The following HLCS variants were observed in gnomAD, a reference collection of about 807,000 sequenced individuals.
The protein encoded by HLCS is biotin--protein ligase.
A neutral mutation model predicts 75.0 loss-of-function variants in HLCS; 53 were observed. The ratio of observed to expected loss-of-function variants is 0.71; its 90% confidence interval spans 0.57 to 0.89. The LOEUF (loss-of-function observed/expected upper bound fraction) is 0.89, where lower values mean the gene tolerates loss of function less well. Ranked by LOEUF, HLCS falls within the 40% of genes least tolerant of loss-of-function variation. The pLI, the probability that HLCS is intolerant of heterozygous loss-of-function variation, is 0.00. For missense variants in HLCS, 966 were observed against 1,074.0 expected, an observed-to-expected ratio of 0.90 and a Z score of 1.41; for synonymous variants, 431 against 428.6, an observed-to-expected ratio of 1.01 and a Z score of -0.07.
intron 6 of HLCS, among the ~76,000 whole-genome samples, chr21:36,862,148 A>G (rs2063401509): frequency 6.6e-6 from 1 of 152,248 alleles, no homozygotes; most frequent in Non-Finnish European, 1.5e-5. Flanking sequence ...ATGGCTCAAT[A>G]ATATTCCATC....
intron 5 of HLCS, among the ~76,000 whole-genome samples, chr21:36,904,686 A>AT (rs1233299843): frequency 6.6e-6 from 1 of 152,230 alleles, no homozygotes; most frequent in Admixed American, 6.5e-5. Context: ...TCTGAATAAA[A>AT]TTCTGGTTGT....
chr21:36,861,851 A>G (rs1354738648), intron 6 of HLCS, among the ~76,000 whole-genome samples: 1 of 152,208 alleles, frequency 6.6e-6, no homozygotes, highest in Non-Finnish European at 1.5e-5. Context: ...ACAAAGTTGT[A>G]TAACCATTTC....
At chr21:36,940,109 T>C (rs1345844091) in intron 2 of HLCS, among the ~76,000 whole-genome samples, 8 of 152,134 alleles carry the variant, frequency 5.3e-5, no homozygotes, top group Admixed American at 5.2e-4. Flanking sequence ...TCAAAGAGTA[T>C]ACGTAATGCC....
At chr21:36,980,995 T>C (rs2069108109) in intron 1 of HLCS, 1 of 152,414 alleles carries the variant, frequency 6.6e-6, no homozygotes, top group South Asian at 2.1e-4. Flanking sequence ...ACCTGTCCTT[T>C]AGGGCTTGCC....
rs1237840650 is a variant in HLCS, at chr21:36,751,865, T to C, written c.*2381A>G. 6.6e-6 allele frequency: 1 copy of C among 152,204 alleles called. No homozygotes were observed. Among genetic ancestry groups the C allele is most frequent in the Non-Finnish European group, 1.5e-5 (1 of 68,030 alleles). The allele number at this position is 152,204 out of a possible 1,614,324, so 9.4% of individuals were successfully genotyped here. On this transcript the variant is annotated 3_prime_UTR_variant, in exon 11 of 11. Coordinates refer to ENST00000674895, the MANE Select transcript of HLCS (RefSeq NM_001352514.2). ...GCACAGCCTCTAAAACAAGGGCTACTCCAGTGTTCTAAAAGCACACGCCAA... is the reference window on the plus strand; with the variant it reads ...GCACAGCCTCTAAAACAAGGGCTACCCCAGTGTTCTAAAAGCACACGCCAA...
intron 6 of HLCS, among the ~76,000 whole-genome samples, chr21:36,857,323 C>G (rs535343189): frequency 2.6e-5 from 4 of 152,290 alleles, no homozygotes; most frequent in African/African-American, 9.6e-5. Context: ...TTTAACCTTT[C>G]TGTTTGTTCG....
chr21:36,973,490 C>T (rs1055917740), intron 1 of HLCS: 2 of 152,138 alleles, frequency 1.3e-5, no homozygotes, highest in Non-Finnish European at 2.9e-5. Context: ...TTGGTATACA[C>T]CCATCGGTTT....
At chr21:36,981,229 C>T (rs549861891) in intron 1 of HLCS, among the ~76,000 whole-genome samples, 1 of 152,228 alleles carries the variant, frequency 6.6e-6, no homozygotes, top group South Asian at 2.1e-4. Flanking sequence ...AAATGAGTGA[C>T]AGACAAAAGT....
At chr21:36,767,730 G>A (rs1231974802) in intron 6 of HLCS, among the ~76,000 whole-genome samples, 1 of 151,866 alleles carries the variant, frequency 6.6e-6, no homozygotes, top group African/African-American at 2.4e-5. Context: ...AATCATAACA[G>A]AAGTTTCTGA....
In HLCS at chr21:36,834,119, C is replaced by T. The variant is rs537141327; in HGVS notation, c.1892+62741G>A. 3.3e-5 allele frequency among the ~76,000 whole-genome samples: 5 copies of T among 152,330 alleles called. No individual in the cohort carries two copies. In the East Asian group the frequency reaches 7.7e-4, roughly 23 times the overall value. ...GCTCACTGCCAGACTTGAGTACGCA[C>T]GGACTTTGGCGTACGCCGGGGTCCT... is the stretch of plus-strand genomic sequence containing the variant. On this transcript the variant is annotated intron_variant, in intron 6 of 10. Transcript: ENST00000674895.
At chr21:36,894,062 A>G (rs1321259789) in intron 6 of HLCS, among the ~76,000 whole-genome samples, 2 of 152,146 alleles carry the variant, frequency 1.3e-5, no homozygotes, top group African/African-American at 4.8e-5. Flanking sequence ...AGAGGTGGAT[A>G]TTCCCCTTGC....
chr21:36,952,534 C>A (rs566704177), intron 2 of HLCS, among the ~76,000 whole-genome samples: 1 of 152,118 alleles, frequency 6.6e-6, no homozygotes, highest in South Asian at 2.1e-4. Context: ...TGGCTCACGC[C>A]CGTAATCCCA....
intron 6 of HLCS, among the ~76,000 whole-genome samples, chr21:36,768,605 G>T (rs989480027): frequency 7.2e-5 from 11 of 152,212 alleles, no homozygotes; most frequent in African/African-American, 2.7e-4. Context: ...ACAGGGCAGG[G>T]GCTCAGCTGC....
intron 2 of HLCS, among the ~76,000 whole-genome samples, chr21:36,942,416 AAAAAAAAAAAAG>A (rs2067189884): frequency 4.0e-5 from 6 of 149,864 alleles, no homozygotes; most frequent in Admixed American, 4.0e-4. Context: ...AAAAAAAAAA[AAAAAAAAAAAAG>A]AATGAGGATA....
chr21:36,754,585 G>A (rs965823658), intron 10 of HLCS, among the ~76,000 whole-genome samples, 168 bp from the exon 11 acceptor site: 3 of 152,166 alleles, frequency 2.0e-5, no homozygotes, highest in Non-Finnish European at 4.4e-5. Context: ...CTTCCACCCT[G>A]GTGAATGGTT....
At chr21:36,808,163 A>C (rs2061414144) in intron 6 of HLCS, among the ~76,000 whole-genome samples, 1 of 152,030 alleles carries the variant, frequency 6.6e-6, no homozygotes, top group African/African-American at 2.4e-5. Flanking sequence ...TGACTATATC[A>C]TTGTATTTTA....
At chr21:36,800,419 A>G (rs908053309) in intron 6 of HLCS, among the ~76,000 whole-genome samples, 7 of 152,198 alleles carry the variant, frequency 4.6e-5, no homozygotes, top group African/African-American at 1.4e-4. Flanking sequence ...TCCATCAGGT[A>G]TGGAACAGAT....
intron 5 of HLCS, among the ~76,000 whole-genome samples, chr21:36,917,154 T>C (rs1360669551): frequency 6.6e-6 from 1 of 152,192 alleles, no homozygotes; most frequent in African/African-American, 2.4e-5. Flanking sequence ...CCCCAGAAGC[T>C]TGAAAGGCCC....
At chr21:36,756,248 C>G (rs759023905) in intron 10 of HLCS, among the ~76,000 whole-genome samples, 2 of 148,644 alleles carry the variant, frequency 1.3e-5, no homozygotes, top group African/African-American at 5.2e-5. Flanking sequence ...ACCATCCTGG[C>G]TAACACGGTG....
Sources: allele counts gnomAD v4.1 joint callset (sites outside exome capture counted in the v4.1 genomes callset), GRCh38; gene constraint gnomAD v4.1.1; transcripts MANE v1.5; gene names NCBI Gene and HGNC (gene_info 2026-07-23, HGNC 2026-07-21).